RIOK3: variants seen among roughly 807,000 people sequenced by gnomAD.
RIOK3 encodes RIO kinase 3.
A neutral mutation model predicts 63.5 loss-of-function variants in RIOK3; 40 were observed. The ratio of observed to expected loss-of-function variants is 0.63; its 90% CI spans 0.49 to 0.82. RIOK3 has a LOEUF of 0.82. Among genes scored for constraint, RIOK3 ranks in the 40% least tolerant of loss-of-function variants. RIOK3 has a pLI of 0.00. For missense variants in RIOK3, 557 were observed against 637.0 expected, an observed-to-expected ratio of 0.87 and a Z score of 1.35; for synonymous variants, 193 against 205.0, an observed-to-expected ratio of 0.94 and a Z score of 0.50.
At chr18:23,468,398 G>A (rs1239228076) in intron 7 of RIOK3, among the ~76,000 whole-genome samples, 1 of 142,012 alleles carries the variant, frequency 7.0e-6, no homozygotes, top group Admixed American at 7.5e-5. Flanking sequence ...CATCTCCTGA[G>A]TTCAAGCGAT....
chr18:23,477,326 T>G (rs1218925725), intron 11 of RIOK3, 58 bp downstream of exon 11: 10 of 1,304,788 alleles, frequency 7.7e-6, no homozygotes, highest in Non-Finnish European at 1.0e-5. Context: ...CAGGTATTTT[T>G]CTCACTCCTA....
At chr18:23,479,289 T>G in intron 11 of RIOK3, 28 bp from the exon 12 acceptor site, 2 of 1,407,416 alleles carry the variant, frequency 1.4e-6, no homozygotes, top group Non-Finnish European at 1.0e-6. Flanking sequence ...TAATACTTCT[T>G]ACTGACTTTC....
At chr18:23,470,120 G>T (rs1320959202) in intron 7 of RIOK3, among the ~76,000 whole-genome samples, 2 of 151,994 alleles carry the variant, frequency 1.3e-5, no homozygotes, top group African/African-American at 2.4e-5. Context: ...AAAGAAATCC[G>T]TTGGAGGACC....
At position 23,466,137 on chromosome 18, in the gene RIOK3, C is replaced by T; in HGVS notation, c.548C>T (p.Ala183Val). The part of the protein sequence containing the change: ...RKNTARMENF[A>V]PEFQVGDGIG... ...GCTAATTCTTCCTTTTGGCAGTTTG[C>T]ACCTGAGTTTCAGGTAGGAGATGGA... Residue 183 changes from alanine to valine, a missense_variant, in exon 6 of 13, where the codon GCA becomes GTA. Coordinates refer to ENST00000339486, the MANE Select transcript of RIOK3 (RefSeq NM_003831.5). 6.3e-7 allele frequency: 1 copy of T among 1,588,516 alleles called. No individual in the cohort carries two copies. Among genetic ancestry groups the T allele is most frequent in the Non-Finnish European group, 8.5e-7 (1 of 1,170,532 alleles).
intron 1 of RIOK3, among the ~76,000 whole-genome samples, chr18:23,460,651 T>G (rs1306660285): frequency 1.3e-5 from 2 of 151,936 alleles, no homozygotes; most frequent in East Asian, 3.8e-4. Context: ...GAGTGAGAAT[T>G]CTGAGTTAGA....
intron 7 of RIOK3, among the ~76,000 whole-genome samples, chr18:23,470,534 A>G (rs1010252007): frequency 2.0e-5 from 3 of 152,208 alleles, no homozygotes; most frequent in Non-Finnish European, 4.4e-5. Context: ...TACAGCATTT[A>G]TGATAGTTAT....
In RIOK3 at chr18:23,463,957, T is replaced by G. The variant is rs372420630; in HGVS notation, c.180-10T>G. The G allele has an allele frequency of 3.8e-6, 6 of 1,594,512 alleles. No individual in the cohort carries two copies. The highest frequency in any genetic ancestry group is 5.1e-6 in the Non-Finnish European group (6 of 1,173,462). On this transcript the variant is annotated splice_polypyrimidine_tract_variant and intron_variant, in intron 2 of 12. Coordinates refer to ENST00000339486, the MANE Select transcript of RIOK3 (RefSeq NM_003831.5). ...CATTACATTAGTTTATATTGCCTTA[T>G]TTTGAATAGTGTTGCTGAAGGACCA...
chr18:23,462,872 G>A, intron 1 of RIOK3, 92 bp from the exon 2 acceptor site: 1 of 577,014 alleles, frequency 1.7e-6, no homozygotes, highest in Non-Finnish European at 2.8e-6. Context: ...TAACTACATA[G>A]TTTAATTCTC....
intron 1 of RIOK3, among the ~76,000 whole-genome samples, chr18:23,459,478 C>G (rs2057360748): frequency 6.6e-6 from 1 of 152,046 alleles, no homozygotes; most frequent in Admixed American, 6.5e-5. Flanking sequence ...ATGCATGAAC[C>G]CTAATACAGT....
chr18:23,475,027 G>T lies in RIOK3; in HGVS notation c.1093G>T (p.Asp365Tyr). 1 of 1,612,720 alleles carries T rather than the reference G, an allele frequency of 6.2e-7. No homozygotes were observed. Among genetic ancestry groups the T allele is most frequent in the South Asian group, 1.1e-5 (1 of 91,044 alleles). The part of the protein sequence containing the change: ...HILVMSFIGH[D>Y]QVPAPKLKEV... ...TTTAGTTATGTCTTTTATTGGCCAT[G>T]ATCAAGTTCCAGCCCCTAAATTAAA... Residue 365 changes from aspartate to tyrosine, a missense_variant, in exon 9 of 13, where the codon GAT (aspartate) becomes TAT (tyrosine). Asp to Tyr is a radical substitution (Grantham distance 160). Coordinates refer to ENST00000339486, the MANE Select transcript of RIOK3 (RefSeq NM_003831.5).
chr18:23,455,720 C>T (rs115636355), intron 1 of RIOK3, among the ~76,000 whole-genome samples: 1,645 of 152,022 alleles, frequency 0.011, 21 homozygotes, highest in African/African-American at 0.038. Context: ...TCACATCTCA[C>T]ACTGTGCCTT....
chr18:23,454,879 T>TC (rs2057327960), intron 1 of RIOK3, among the ~76,000 whole-genome samples: 1 of 152,338 alleles, frequency 6.6e-6, no homozygotes, highest in East Asian at 1.9e-4. Flanking sequence ...ATCCTTTTTT[T>TC]CTCTAACCTT....
chr18:23,466,826 C>A (rs1424041663), intron 6 of RIOK3, among the ~76,000 whole-genome samples: 1 of 149,542 alleles, frequency 6.7e-6, no homozygotes, highest in Admixed American at 6.7e-5. Flanking sequence ...CCCTGGGAGA[C>A]CCTGTCTCAG....
In RIOK3 at chr18:23,479,413, T is replaced by C. The variant is rs539160044; in HGVS notation, c.1441T>C (p.Phe481Leu). 2 of 1,610,428 alleles carry C rather than the reference T, an allele frequency of 1.2e-6. No individual in the cohort carries two copies. Among genetic ancestry groups the C allele is most frequent in the South Asian group, 1.1e-5 (1 of 90,966 alleles). The change falls in exon 12 of 13, where the codon TTT becomes CTT. Residue 481 changes from phenylalanine to leucine, a missense_variant. By Grantham distance (22) the Phe-to-Leu change is conservative (BLOSUM62 0). This residue lies in a region of RIOK3 where 309 missense variants were observed against 338.7 expected (regional missense o/e 0.91). Coordinates refer to ENST00000339486, the MANE Select transcript of RIOK3 (RefSeq NM_003831.5). ...CATCACAGCAGATAATGAAGCTGAT[T>C]TTTTAGCTGAGGTATGTGATAAACA... ...LNITADNEAD[F>L]LAEIEALEKM...
At chr18:23,466,383 T>A in intron 6 of RIOK3, 107 bp downstream of exon 6, 1 of 933,414 alleles carries the variant, frequency 1.1e-6, no homozygotes, top group Non-Finnish European at 1.5e-6. Flanking sequence ...TTCATGAGAT[T>A]GGCTTTTTAA....
At chr18:23,478,894 G>A (rs2057512449) in intron 11 of RIOK3, 2 of 158,968 alleles carry the variant, frequency 1.3e-5, no homozygotes, top group Admixed American at 6.0e-5. Flanking sequence ...CATTTTTATA[G>A]CTATAGAAGG....
rs957892990 is a variant in RIOK3, at chr18:23,463,147, G to A, written c.179+68G>A. 3.1e-6 allele frequency: 3 copies of A among 972,274 alleles called. No individual in the cohort carries two copies. In the South Asian group the frequency reaches 4.5e-5, roughly 15 times the overall value. 60.2% of individuals were successfully genotyped at this position (972,274 alleles called of 1,614,324 possible). ...GAGTTTTAGGATTTGATGAGTAATTGTCATGACAAGTGGTTTGGAAAAAGC... is the reference window on the plus strand; with the variant it reads ...GAGTTTTAGGATTTGATGAGTAATTATCATGACAAGTGGTTTGGAAAAAGC... On this transcript the variant is annotated intron_variant, in intron 2 of 12. Transcript: ENST00000339486.
At chr18:23,455,103 G>A (rs994903340) in intron 1 of RIOK3, among the ~76,000 whole-genome samples, 3 of 148,132 alleles carry the variant, frequency 2.0e-5, no homozygotes, top group East Asian at 2.0e-4. Flanking sequence ...ACGGAGTCTC[G>A]CCCTATCGCC....
rs67305895 is a variant in RIOK3, at chr18:23,478,606, C to CATATATAT, written c.1345-666_1345-659dup. On this transcript the variant is annotated intron_variant, in intron 11 of 12. Transcript: ENST00000339486. ...GGCCCTGTCTCTTAAAAAAACAAAACATATATATATATATATATATATATA... is the reference window on the plus strand; with the variant it reads ...GGCCCTGTCTCTTAAAAAAACAAAACATATATATATATATATATATATATATATATATA... Among the ~76,000 whole-genome samples, 42 of 130,952 alleles carry CATATATAT rather than the reference C, an allele frequency of 3.2e-4. 1 individual carries two copies. The highest frequency in any genetic ancestry group is 5.1e-4 in the African/African-American group (16 of 31,272). 85.9% of individuals were successfully genotyped at this position (130,952 alleles called of 152,430 possible). A position where few individuals can be genotyped will look rare whatever the true frequency, so the allele number is the denominator to read the frequency against.
Sources: allele counts gnomAD v4.1 joint callset (sites outside exome capture counted in the v4.1 genomes callset), GRCh38; gene constraint gnomAD v4.1.1; regional missense constraint gnomAD v4.1.1; transcripts MANE v1.5; gene names NCBI Gene and HGNC (gene_info 2026-07-23, HGNC 2026-07-21).